RNF216: variants seen among roughly 807,000 people sequenced by gnomAD.
RNF216 encodes E3 ubiquitin-protein ligase RNF216.
Under a neutral mutation model 110.8 loss-of-function variants are expected in RNF216, and 72 were observed. That is an observed-to-expected ratio of 0.65 (90% CI 0.54 to 0.79). RNF216 has a LOEUF of 0.79. Among genes scored for constraint, RNF216 ranks in the 30% least tolerant of loss-of-function variants. The probability of loss-of-function intolerance (pLI) is 0.00; values close to 1 mark genes in which losing one functional copy is unlikely to be tolerated. For synonymous variants in RNF216, 495 were observed against 407.5 expected, an observed-to-expected ratio of 1.21 and a Z score of -2.59; for missense variants, 1,342 against 1,141.2, an observed-to-expected ratio of 1.18 and a Z score of -2.54.
chr7:5,761,028 G>T lies in RNF216; in HGVS notation c.42C>A (p.Asn14Lys), dbSNP rs761847598. 1 of 1,583,826 alleles carries T rather than the reference G, an allele frequency of 6.3e-7. No individual in the cohort carries two copies. Among genetic ancestry groups the T allele is most frequent in the Non-Finnish European group, 8.5e-7 (1 of 1,170,656 alleles). The change falls in exon 2 of 17, where the codon AAC becomes AAA. Residue 14 changes from asparagine (N) to lysine (K), a missense_variant. Transcript: ENST00000389902. ...GNNNEEVIHL[N>K]NFHCHRGQEW... ...CTTGTCCCCGATGGCAGTGAAAGTT[G>T]TTCAAGTGAATTACCTCTTCATTGT... is the stretch of plus-strand genomic sequence containing the variant.
At chr7:5,731,881 G>A (rs1794111039) in intron 5 of RNF216, among the ~76,000 whole-genome samples, 2 of 145,048 alleles carry the variant, frequency 1.4e-5, no homozygotes, top group South Asian at 4.1e-4. Context: ...TCTCATCCAG[G>A]TGCCAGTGTT....
chr7:5,765,656 A>T (rs1796165428), intron 1 of RNF216, among the ~76,000 whole-genome samples: 1 of 149,666 alleles, frequency 6.7e-6, no homozygotes, highest in Admixed American at 6.7e-5. Flanking sequence ...TGAAAAAGAA[A>T]CATGGGGCTG....
intron 1 of RNF216, among the ~76,000 whole-genome samples, chr7:5,777,102 C>T (rs1400962818): frequency 2.0e-5 from 3 of 152,088 alleles, no homozygotes; most frequent in Non-Finnish European, 4.4e-5. Context: ...TGACACTACA[C>T]GTGGAGGGAA....
chr7:5,753,538 T>C (rs958513978), intron 2 of RNF216, among the ~76,000 whole-genome samples: 7 of 152,216 alleles, frequency 4.6e-5, no homozygotes, highest in Admixed American at 2.0e-4. Context: ...CTTTAAAATA[T>C]ATATAATCTA....
chr7:5,632,810 T>A (rs1410930424), intron 15 of RNF216, among the ~76,000 whole-genome samples: 1 of 152,002 alleles, frequency 6.6e-6, no homozygotes, highest in Non-Finnish European at 1.5e-5. Context: ...CAGTGCCCCA[T>A]CGCTACTCCA....
At chr7:5,682,265 T>C (rs1790704155) in intron 13 of RNF216, among the ~76,000 whole-genome samples, 3 of 152,170 alleles carry the variant, frequency 2.0e-5, no homozygotes, top group African/African-American at 2.4e-5. Flanking sequence ...CTGAAATCCT[T>C]TGGAATCACC....
In RNF216 at chr7:5,761,089, T is replaced by C. The variant is rs757960841; in HGVS notation, c.-20A>G. On this transcript the variant is annotated 5_prime_UTR_variant, in exon 2 of 17. It adds an upstream start codon to the 5' untranslated region. Coordinates refer to ENST00000389902, the MANE Select transcript of RNF216 (RefSeq NM_207111.4). ...TTCCATTTTCAAATGCAGACATGCA[T>C]ATATGGGACTGCTAATATCTAAACA... 4 of 1,528,804 alleles carry C rather than the reference T, an allele frequency of 2.6e-6. No homozygotes were observed. Among genetic ancestry groups the C allele is most frequent in the Non-Finnish European group, 3.5e-6 (4 of 1,129,348 alleles). 94.7% of individuals were successfully genotyped at this position (1,528,804 alleles called of 1,614,324 possible). A position where few individuals can be genotyped will look rare whatever the true frequency, so the allele number is the denominator to read the frequency against.
chr7:5,772,097 G>A (rs998464383), intron 1 of RNF216, among the ~76,000 whole-genome samples: 2 of 152,046 alleles, frequency 1.3e-5, no homozygotes, highest in Non-Finnish European at 2.9e-5. Flanking sequence ...GCTGGGCATG[G>A]TGGCCCATGC....
chr7:5,759,627 T>TTTTTTC (rs1554264377), intron 2 of RNF216, among the ~76,000 whole-genome samples: 1 of 10,986 alleles, frequency 9.1e-5, no homozygotes, highest in Non-Finnish European at 2.1e-4. Flanking sequence ...TGGAGTCATT[T>TTTTTTC]TTCTTCTTTT....
chr7:5,741,883 T>C (rs1562452076), intron 3 of RNF216, 68 bp from the exon 4 acceptor site: 9 of 1,499,106 alleles, frequency 6.0e-6, no homozygotes, highest in Non-Finnish European at 5.3e-6. Flanking sequence ...TGTACTTATA[T>C]TGAGCTTCCG....
At chr7:5,703,869 A>C (rs1453889642) in intron 13 of RNF216, among the ~76,000 whole-genome samples, 1 of 152,252 alleles carries the variant, frequency 6.6e-6, no homozygotes, top group Non-Finnish European at 1.5e-5. Context: ...CTGAGTTTAT[A>C]AAGCAAAGTT....
chr7:5,720,940 G>T, intron 9 of RNF216, 93 bp downstream of exon 9: 1 of 1,249,392 alleles, frequency 8.0e-7, no homozygotes, highest in Non-Finnish European at 1.1e-6. Context: ...TGAAGAAAAG[G>T]GAAATCTTAA....
chr7:5,734,815 ACTCT>A (rs1385793681), intron 5 of RNF216, among the ~76,000 whole-genome samples: 1 of 134,830 alleles, frequency 7.4e-6, no homozygotes, highest in African/African-American at 2.8e-5. Context: ...CAAGGGCAAA[ACTCT>A]CTCTCAAAAT....
chr7:5,749,457 G>A (rs140766113), intron 3 of RNF216, among the ~76,000 whole-genome samples: 2,919 of 152,114 alleles, frequency 0.019, 42 homozygotes, highest in Non-Finnish European at 0.03. Flanking sequence ...GGCCTATATG[G>A]ATGTTTTTTA....
chr7:5,655,689 C>G (rs962981123), intron 13 of RNF216, among the ~76,000 whole-genome samples: 1 of 149,720 alleles, frequency 6.7e-6, no homozygotes, highest in Non-Finnish European at 1.5e-5. Flanking sequence ...AAGCAAACAC[C>G]AGGCTGGGGA....
chr7:5,726,969 G>T (rs1409961917), intron 7 of RNF216, among the ~76,000 whole-genome samples: 1 of 152,134 alleles, frequency 6.6e-6, no homozygotes, highest in African/African-American at 2.4e-5. Context: ...CATTCCGCCT[G>T]CAAGAGAAGA....
chr7:5,769,101 C>G (rs1170400392), intron 1 of RNF216, among the ~76,000 whole-genome samples: 1 of 146,750 alleles, frequency 6.8e-6, no homozygotes, highest in Non-Finnish European at 1.5e-5. Context: ...TTATTAGACA[C>G]AATTTACAGT....
chr7:5,725,195 C>CA (rs1461187393), intron 8 of RNF216, 129 bp downstream of exon 8: 1 of 544,960 alleles, frequency 1.8e-6, no homozygotes, highest in Non-Finnish European at 3.3e-6. Context: ...TAGTTCCTGT[C>CA]AGTCACTCCT....
chr7:5,731,758 C>G lies in RNF216; in HGVS notation c.1122-941G>C, dbSNP rs189792392. On this transcript the variant is annotated intron_variant, in intron 5 of 16. Transcript: ENST00000389902. ...GTGCTATACCTGCAGTTCTCACACACTTCCCTTTCTACTGGTTCTCTTTTG... is the reference window on the plus strand; with the variant it reads ...GTGCTATACCTGCAGTTCTCACACAGTTCCCTTTCTACTGGTTCTCTTTTG... 6.8e-4 allele frequency among the ~76,000 whole-genome samples: 103 copies of G among 151,478 alleles called. 3 individuals carry two copies. The highest frequency in any genetic ancestry group is 1.9e-3 in the African/African-American group (76 of 40,748).
Sources: gnomAD v4.1 joint callset for allele counts (sites outside exome capture counted in the v4.1 genomes callset) on GRCh38, gnomAD v4.1.1 for gene constraint, MANE v1.5 for transcripts, NCBI Gene and HGNC (gene_info 2026-07-23, HGNC 2026-07-21) for gene names.